Variants in PCDH9 observed in about 807,000 individuals in gnomAD.
PCDH9 encodes the protein protocadherin-9.
In PCDH9, 24 loss-of-function variants were observed where a neutral mutation model predicts 70.6. The observed-to-expected ratio is 0.34, with a 90% CI of 0.25 to 0.48. The LOEUF (loss-of-function observed/expected upper bound fraction) is 0.48, where lower values mean the gene tolerates loss of function less well. Among genes scored for constraint, PCDH9 ranks in the 20% least tolerant of loss-of-function variants. PCDH9 has a pLI of 0.99. For missense variants in PCDH9, 1,281 were observed against 1,503.6 expected (o/e 0.85, Z 2.45); for synonymous variants, 562 against 558.5 (o/e 1.01, Z -0.09).
At chr13:66,640,723 G>C (rs949448571) in intron 3 of PCDH9, among the ~76,000 whole-genome samples, 1 of 152,114 alleles carries the variant, frequency 6.6e-6, no homozygotes, top group Non-Finnish European at 1.5e-5. Context: ...AAGTGATCTC[G>C]GCAGAAAGTC....
intron 4 of PCDH9, among the ~76,000 whole-genome samples, chr13:66,444,212 A>G (rs1958028237): frequency 6.6e-6 from 1 of 152,188 alleles, no homozygotes; most frequent in Non-Finnish European, 1.5e-5. Flanking sequence ...AAAGCTGTGC[A>G]AATCCCTACC....
At chr13:66,400,624 A>G (rs982183650) in intron 4 of PCDH9, among the ~76,000 whole-genome samples, 6 of 152,218 alleles carry the variant, frequency 3.9e-5, no homozygotes, top group African/African-American at 1.4e-4. Flanking sequence ...GAAAACTCAT[A>G]GGCTATCTAT....
chr13:66,888,770 A>C (rs945281989), intron 3 of PCDH9, among the ~76,000 whole-genome samples: 43 of 152,144 alleles, frequency 2.8e-4, no homozygotes, highest in African/African-American at 8.7e-4. Flanking sequence ...TTTAGTAAAC[A>C]AATTTTTATC....
intron 3 of PCDH9, among the ~76,000 whole-genome samples, chr13:66,833,905 C>T (rs1259397573): frequency 6.6e-6 from 1 of 152,080 alleles, no homozygotes; most frequent in African/African-American, 2.4e-5. Flanking sequence ...AATGACTTGT[C>T]TATGACCTGT....
At chr13:66,364,006 T>A (rs1956513338) in intron 4 of PCDH9, among the ~76,000 whole-genome samples, 1 of 151,888 alleles carries the variant, frequency 6.6e-6, no homozygotes, top group Non-Finnish European at 1.5e-5. Flanking sequence ...AATACAAAAA[T>A]TAGCCGGGTA....
chr13:66,374,581 C>T lies in PCDH9; in HGVS notation c.3341-69553G>A, dbSNP rs953987581. Among the ~76,000 whole-genome samples, 12 of 151,770 alleles carry T rather than the reference C, an allele frequency of 7.9e-5. No individual in the cohort carries two copies. In the East Asian group the frequency reaches 2.1e-3, roughly 27 times the overall value. On this transcript the variant is annotated intron_variant, in intron 4 of 4. Transcript: ENST00000377865. ...TATATTTTCATTTTTTAAATGAGGA[C>T]GTTGTCATAAAATTTGCCCCAGTCA... is the stretch of plus-strand genomic sequence containing the variant.
chr13:66,456,950 G>A (rs1297023677), intron 4 of PCDH9, among the ~76,000 whole-genome samples: 2 of 152,036 alleles, frequency 1.3e-5, no homozygotes, highest in African/African-American at 4.8e-5. Flanking sequence ...TAATAACTGT[G>A]TACCCGTTCG....
intron 4 of PCDH9, among the ~76,000 whole-genome samples, chr13:66,324,634 T>C (rs553039198): frequency 6.6e-6 from 1 of 152,178 alleles, no homozygotes; most frequent in Admixed American, 6.5e-5. Flanking sequence ...GGCCATTCTA[T>C]GTAATAAAAC....
intron 2 of PCDH9, among the ~76,000 whole-genome samples, chr13:67,189,484 T>C (rs1007454565): frequency 1.2e-4 from 18 of 152,220 alleles, no homozygotes; most frequent in African/African-American, 4.3e-4. Flanking sequence ...CTTTTAATTC[T>C]AAATTTAAAT....
chr13:66,964,879 T>C (rs187180495), intron 2 of PCDH9, among the ~76,000 whole-genome samples: 172 of 152,144 alleles, frequency 1.1e-3, no homozygotes, highest in African/African-American at 4.0e-3. Flanking sequence ...ATTACTGAAT[T>C]ACACACTTTG....
intron 2 of PCDH9, among the ~76,000 whole-genome samples, chr13:67,043,737 G>C (rs1594433487): frequency 6.6e-6 from 1 of 152,226 alleles, no homozygotes; most frequent in East Asian, 1.9e-4. Context: ...GGTTTAAAAT[G>C]GCCAGCCGAG....
intron 2 of PCDH9, among the ~76,000 whole-genome samples, chr13:67,038,829 G>A (rs2085057838): frequency 6.6e-6 from 1 of 152,124 alleles, no homozygotes; most frequent in Non-Finnish European, 1.5e-5. Context: ...TCCCGACACA[G>A]GGCTCCTACA....
At chr13:67,068,600 A>G (rs768738554) in intron 2 of PCDH9, among the ~76,000 whole-genome samples, 1 of 152,218 alleles carries the variant, frequency 6.6e-6, no homozygotes, top group Non-Finnish European at 1.5e-5. Context: ...CTGTTTCAAC[A>G]GGTAAATGGC....
At chr13:66,937,932 A>G (rs933829518) in intron 2 of PCDH9, among the ~76,000 whole-genome samples, 1 of 152,118 alleles carries the variant, frequency 6.6e-6, no homozygotes, top group Non-Finnish European at 1.5e-5. Context: ...ATTGCTCAAT[A>G]AAACTCCTTT....
chr13:66,469,229 T>C (rs1958571056), intron 4 of PCDH9, among the ~76,000 whole-genome samples: 1 of 152,094 alleles, frequency 6.6e-6, no homozygotes, highest in African/African-American at 2.4e-5. Flanking sequence ...GTTGACAGAT[T>C]AATTTGTTTT....
chr13:66,356,377 T>G (rs1055158377), intron 4 of PCDH9, among the ~76,000 whole-genome samples: 2 of 152,138 alleles, frequency 1.3e-5, no homozygotes, highest in Non-Finnish European at 2.9e-5. Context: ...CATCAGCTTC[T>G]ATAAATATAC....
chr13:66,689,143 T>C (rs2078446917), intron 3 of PCDH9, among the ~76,000 whole-genome samples: 2 of 152,150 alleles, frequency 1.3e-5, no homozygotes. Flanking sequence ...CATTTTCAAA[T>C]ATTGAGCCTT....
At chr13:66,837,668 C>T (rs752666927) in intron 3 of PCDH9, among the ~76,000 whole-genome samples, 1 of 152,176 alleles carries the variant, frequency 6.6e-6, no homozygotes, top group Non-Finnish European at 1.5e-5. Flanking sequence ...TTTCCAATGT[C>T]GCTCTGCTCT....
chr13:67,212,138 A>G (rs564580653), intron 2 of PCDH9: 1 of 152,254 alleles, frequency 6.6e-6, no homozygotes, highest in Admixed American at 6.5e-5. Context: ...AAGGAGTGTG[A>G]TTTTAAGAAT....
Sources: gnomAD v4.1 joint callset for allele counts (sites outside exome capture counted in the v4.1 genomes callset) on GRCh38, gnomAD v4.1.1 for gene constraint, MANE v1.5 for transcripts, NCBI Gene and HGNC (gene_info 2026-07-23, HGNC 2026-07-21) for gene names.